The following GADL1 variants were observed in gnomAD, a reference collection of about 807,000 sequenced individuals.
GADL1 encodes GAD like acidic amino acid decarboxylase 1.
A neutral mutation model predicts 69.5 loss-of-function variants in GADL1; 71 were observed. That is an observed-to-expected ratio of 1.02 (90% CI 0.84 to 1.25). The LOEUF is 1.25. Ranked by LOEUF, GADL1 falls within the 50% of genes most tolerant of loss-of-function variation. GADL1 has a pLI of 0.00. For synonymous variants in GADL1, 254 were observed against 214.4 expected (o/e 1.18, Z -1.62); for missense variants, 737 against 631.8 (o/e 1.17, Z -1.79).
chr3:30,783,587 A>C (rs1247374716), intron 13 of GADL1, among the ~76,000 whole-genome samples: 3 of 152,218 alleles, frequency 2.0e-5, no homozygotes, highest in Non-Finnish European at 4.4e-5. Context: ...ATAAGCAAAA[A>C]GACTATCAAC....
chr3:30,814,002 G>A (rs1697410231), intron 11 of GADL1, among the ~76,000 whole-genome samples: 1 of 152,124 alleles, frequency 6.6e-6, no homozygotes, highest in Admixed American at 6.5e-5. Context: ...TTAGCATGTG[G>A]GTTACTCCTC....
chr3:30,870,431 G>A (rs1321499882), intron 1 of GADL1, among the ~76,000 whole-genome samples: 1 of 151,756 alleles, frequency 6.6e-6, no homozygotes, highest in Admixed American at 6.6e-5. Flanking sequence ...TGGCCCAAGT[G>A]TGAGGGCAAG....
chr3:30,865,594 C>T (rs961289864), intron 1 of GADL1, among the ~76,000 whole-genome samples: 2 of 151,932 alleles, frequency 1.3e-5, no homozygotes, highest in African/African-American at 4.8e-5. Flanking sequence ...AAACCTTTGG[C>T]TGGGGATGCA....
chr3:30,856,979 G>C, intron 3 of GADL1, 36 bp downstream of exon 3: 1 of 1,520,536 alleles, frequency 6.6e-7, no homozygotes, highest in Non-Finnish European at 8.9e-7. Flanking sequence ...GAACTTGTCA[G>C]AGGTACAGAT....
At chr3:30,754,580 T>C (rs1384618718) in intron 14 of GADL1, among the ~76,000 whole-genome samples, 6 of 152,122 alleles carry the variant, frequency 3.9e-5, no homozygotes, top group Middle Eastern at 3.4e-3. Context: ...TGGCTAAATA[T>C]TTAAGCTTCA....
intron 14 of GADL1, among the ~76,000 whole-genome samples, chr3:30,731,398 G>T (rs948263165): frequency 1.3e-5 from 2 of 152,110 alleles, no homozygotes; most frequent in Non-Finnish European, 2.9e-5. Context: ...TCTTTGGAGA[G>T]CATTAGAATT....
rs1166450563 is a variant in GADL1, at chr3:30,861,674, T to C, written c.129A>G (p.Lys43=). 2.6e-6 allele frequency: 4 copies of C among 1,550,330 alleles called. No individual in the cohort carries two copies. Among genetic ancestry groups the C allele is most frequent in the Non-Finnish European group, 3.5e-6 (4 of 1,145,970 alleles). Residue 43 remains lysine (K), a synonymous_variant, in exon 2 of 15, where the codon AAA becomes AAG. Coordinates refer to ENST00000282538, the MANE Select transcript of GADL1 (RefSeq NM_207359.3). Reference sequence around the variant, plus strand: ...CCTCTTCAACAAATTTTTCTCCAGCTTTTGCATCTGTTGTAGGACCATTCA... The same window carrying C: ...CCTCTTCAACAAATTTTTCTCCAGCCTTTGCATCTGTTGTAGGACCATTCA... The part of the protein sequence containing the change: ...VVLNGPTTDA[K]AGEKFVEEAC...
chr3:30,808,048 T>A (rs960502104), intron 11 of GADL1, among the ~76,000 whole-genome samples: 9 of 151,856 alleles, frequency 5.9e-5, no homozygotes, highest in Non-Finnish European at 1.3e-4. Flanking sequence ...AATAAAAGTG[T>A]TTTTCCCAAA....
chr3:30,797,923 T>C (rs1160774814), intron 12 of GADL1: 3 of 152,212 alleles, frequency 2.0e-5, no homozygotes, highest in African/African-American at 7.2e-5. Flanking sequence ...TAAAACTAAA[T>C]TTGGCTATGG....
rs192866338 is a variant in GADL1, at chr3:30,805,200, T to C, written c.1051-4112A>G. The stretch of plus-strand genomic sequence containing the variant: ...ATAAATTCTATTTTTGTCAACTCCA[T>C]TGTACATTTTGCAACACAGCAAGTT... On this transcript the variant is annotated intron_variant, in intron 11 of 14. Transcript: ENST00000282538. 1.0e-3 allele frequency among the ~76,000 whole-genome samples: 159 copies of C among 152,338 alleles called. 2 individuals carry two copies. Among genetic ancestry groups the C allele is most frequent in the Middle Eastern group, 3.4e-3 (1 of 294 alleles).
At chr3:30,842,680 T>C (rs1697986801) in intron 8 of GADL1, among the ~76,000 whole-genome samples, 1 of 151,770 alleles carries the variant, frequency 6.6e-6, no homozygotes, top group Non-Finnish European at 1.5e-5. Flanking sequence ...TAAAAAGAAA[T>C]GAAACTAAAA....
At chr3:30,831,022 C>A (rs1032672701) in intron 11 of GADL1, among the ~76,000 whole-genome samples, 1 of 151,956 alleles carries the variant, frequency 6.6e-6, no homozygotes, top group African/African-American at 2.4e-5. Context: ...TAGTGAATTT[C>A]ACATTTTCCC....
At chr3:30,824,937 ATAATTT>A (rs1233169776) in intron 11 of GADL1, among the ~76,000 whole-genome samples, 1 of 151,896 alleles carries the variant, frequency 6.6e-6, no homozygotes, top group African/African-American at 2.4e-5. Flanking sequence ...CTTATACTTC[ATAATTT>A]TAATTTTAAA....
chr3:30,774,333 A>AGG (rs1308281645), intron 14 of GADL1, among the ~76,000 whole-genome samples: 3 of 152,198 alleles, frequency 2.0e-5, no homozygotes, highest in Non-Finnish European at 4.4e-5. Flanking sequence ...GGTTATAATT[A>AGG]TTCAAGCGCA....
In GADL1 at chr3:30,726,507, A is replaced by ACACACC. The variant is rs1016008545; in HGVS notation, c.*1734_*1735insGGTGTG. ...TAAACACACACACACACACACACAC[A>ACACACC]CCAATAGGTTTCACCTGAGAATTTG... On this transcript the variant is annotated 3_prime_UTR_variant, in exon 15 of 15. Transcript: ENST00000282538. 2.0e-5 allele frequency: 3 copies of ACACACC among 152,018 alleles called. No individual in the cohort carries two copies. Among genetic ancestry groups the ACACACC allele is most frequent in the African/African-American group, 7.3e-5 (3 of 41,366 alleles). 9.4% of individuals were successfully genotyped at this position (152,018 alleles called of 1,614,324 possible).
intron 11 of GADL1, among the ~76,000 whole-genome samples, chr3:30,829,113 A>G (rs1206505629): frequency 6.6e-6 from 1 of 151,910 alleles, no homozygotes; most frequent in Non-Finnish European, 1.5e-5. Flanking sequence ...CAAAGCATCA[A>G]AACTGTCTTT....
chr3:30,817,127 A>G (rs1293776163), intron 11 of GADL1, among the ~76,000 whole-genome samples: 1 of 152,144 alleles, frequency 6.6e-6, no homozygotes, highest in Non-Finnish European at 1.5e-5. Context: ...TGTCTTCTCT[A>G]TAGTCTCGTG....
intron 14 of GADL1, among the ~76,000 whole-genome samples, chr3:30,752,006 C>T (rs938914593): frequency 6.6e-6 from 1 of 151,998 alleles, no homozygotes; most frequent in Non-Finnish European, 1.5e-5. Flanking sequence ...TAAGATAGGA[C>T]GATTCTGAAA....
intron 8 of GADL1, among the ~76,000 whole-genome samples, chr3:30,840,398 A>G (rs1697946908): frequency 6.6e-6 from 1 of 152,180 alleles, no homozygotes; most frequent in Non-Finnish European, 1.5e-5. Context: ...TGTGGCAAAT[A>G]GAATCAATCC....
Sources: gnomAD v4.1 joint callset for allele counts (sites outside exome capture counted in the v4.1 genomes callset) on GRCh38, gnomAD v4.1.1 for gene constraint, MANE v1.5 for transcripts, NCBI Gene and HGNC (gene_info 2026-07-23, HGNC 2026-07-21) for gene names.